The following UNC5B variants were observed in gnomAD, a reference collection of about 807,000 sequenced individuals.
UNC5B encodes netrin receptor UNC5B.
Under a neutral mutation model 103.7 loss-of-function variants are expected in UNC5B, and 56 were observed. The ratio of observed to expected loss-of-function variants is 0.54; its 90% CI spans 0.44 to 0.67. The LOEUF (loss-of-function observed/expected upper bound fraction) is 0.67, where lower values mean the gene tolerates loss of function less well. Ranked by LOEUF, UNC5B falls within the 30% of genes least tolerant of loss-of-function variation. UNC5B has a pLI of 0.00. For synonymous variants in UNC5B, 577 were observed against 542.0 expected (o/e 1.06, Z -0.90); for missense variants, 1,194 against 1,284.5 (o/e 0.93, Z 1.08).
At chr10:71,237,326 G>C (rs1414226077) in intron 1 of UNC5B, among the ~76,000 whole-genome samples, 1 of 152,018 alleles carries the variant, frequency 6.6e-6, no homozygotes, top group African/African-American at 2.4e-5. Flanking sequence ...TGTGAGCCTC[G>C]TCTTCAACCA....
rs772608927 is a variant in UNC5B at position 71,296,620 on chromosome 10, C to G, written c.2368C>G (p.Leu790Val). The change falls in exon 15 of 17, where the codon CTC becomes GTC. Residue 790 changes from leucine (L) to valine (V), a missense_variant. Transcript: ENST00000335350. The part of the protein sequence containing the change: ...YHIWSGSQKA[L>V]HCTFTLERHS... ...CATTTGGAGTGGCAGCCAGAAGGCC[C>G]TCCACTGCACTTTCACCCTGGAGAG... The G allele has an allele frequency of 1.9e-6, 3 of 1,613,870 alleles. No individual in the cohort carries two copies. Among genetic ancestry groups the G allele is most frequent in the Non-Finnish European group, 2.5e-6 (3 of 1,180,046 alleles).
At position 71,213,783 on chromosome 10, in the gene UNC5B, T is replaced by C. The variant is rs552222534; in HGVS notation, c.79+719T>C. On this transcript the variant is annotated intron_variant, in intron 1 of 16. Coordinates refer to ENST00000335350, the MANE Select transcript of UNC5B (RefSeq NM_170744.5). The surrounding 1 kb of genome is among the most constrained non-coding windows in gnomAD (Gnocchi z 4.1). ...TGTGTTGGATGCGGGTAGGGGTTCT[T>C]AGCGATCCTGCGGAGTTTCCTTTTA... Among the ~76,000 whole-genome samples, 3 of 144,706 alleles carry C rather than the reference T, an allele frequency of 2.1e-5. No individual in the cohort carries two copies. The highest frequency in any genetic ancestry group is 4.5e-5 in the Non-Finnish European group (3 of 66,654). The allele number at this position is 144,706 out of a possible 152,430, so 94.9% of individuals were successfully genotyped here. A position where few individuals can be genotyped will look rare whatever the true frequency, so the allele number is the denominator to read the frequency against.
At chr10:71,260,839 G>A (rs1045644371) in intron 1 of UNC5B, among the ~76,000 whole-genome samples, 1 of 152,228 alleles carries the variant, frequency 6.6e-6, no homozygotes, top group Non-Finnish European at 1.5e-5. Flanking sequence ...TTTTCAGGCT[G>A]GGAGGAAAGC....
intron 1 of UNC5B, among the ~76,000 whole-genome samples, chr10:71,260,024 C>CTCT (rs1844379892): frequency 6.6e-6 from 1 of 152,180 alleles, no homozygotes; most frequent in Non-Finnish European, 1.5e-5. Flanking sequence ...AACTGCCAGG[C>CTCT]AGGAGCTTCA....
intron 1 of UNC5B, among the ~76,000 whole-genome samples, chr10:71,249,044 G>A (rs1031944298): frequency 6.6e-6 from 1 of 152,184 alleles, no homozygotes; most frequent in African/African-American, 2.4e-5. Flanking sequence ...CTCTGGCAAA[G>A]AGGCTACTGG....
At chr10:71,263,654 C>T (rs916913042) in intron 1 of UNC5B, among the ~76,000 whole-genome samples, 10 of 152,188 alleles carry the variant, frequency 6.6e-5, no homozygotes, top group South Asian at 2.1e-4. Context: ...GAGTATTTCT[C>T]AGCTAAAATT....
intron 2 of UNC5B, among the ~76,000 whole-genome samples, chr10:71,280,412 C>T (rs888509236): frequency 6.6e-6 from 1 of 152,164 alleles, no homozygotes; most frequent in Non-Finnish European, 1.5e-5. Context: ...TCAATGCAAT[C>T]GTTATTTTTA....
chr10:71,275,878 C>T (rs1844759502), intron 1 of UNC5B, among the ~76,000 whole-genome samples: 1 of 151,824 alleles, frequency 6.6e-6, no homozygotes, highest in Admixed American at 6.6e-5. Flanking sequence ...TCATATCACT[C>T]TGTTTTCCTT....
chr10:71,256,900 G>A (rs561643188), intron 1 of UNC5B, among the ~76,000 whole-genome samples: 6 of 152,346 alleles, frequency 3.9e-5, no homozygotes, highest in Admixed American at 6.5e-5. Context: ...ACAAGAACAC[G>A]GCAGCCGGTG....
chr10:71,230,312 C>T (rs926637219), intron 1 of UNC5B, among the ~76,000 whole-genome samples: 2 of 152,038 alleles, frequency 1.3e-5, no homozygotes, highest in South Asian at 2.1e-4. Flanking sequence ...CATGGCTCAG[C>T]GAGGGAAGCT....
At chr10:71,219,377 C>T (rs1274900611) in intron 1 of UNC5B, among the ~76,000 whole-genome samples, 1 of 152,178 alleles carries the variant, frequency 6.6e-6, no homozygotes, top group Non-Finnish European at 1.5e-5. Context: ...GAGAGCCAGT[C>T]CGAGTTCCAA....
At chr10:71,296,440 G>C (rs143988542) in intron 14 of UNC5B, 138 bp from the exon 15 acceptor site, 8 of 978,114 alleles carry the variant, frequency 8.2e-6, no homozygotes, top group Non-Finnish European at 1.2e-5. Context: ...GGCTAGCTTA[G>C]GGCACTTGAC....
At chr10:71,295,680 C>G in intron 13 of UNC5B, 131 bp from the exon 14 acceptor site, 1 of 1,067,288 alleles carries the variant, frequency 9.4e-7, no homozygotes, top group Non-Finnish European at 1.4e-6. Flanking sequence ...ACCATAAGCC[C>G]TCTGTGAGCT....
chr10:71,286,899 A>G, intron 5 of UNC5B, 30 bp downstream of exon 5: 1 of 1,607,436 alleles, frequency 6.2e-7, no homozygotes, highest in South Asian at 1.1e-5. Context: ...GGAGGGGCAG[A>G]CACGGCCAAG....
chr10:71,239,486 A>C (rs2132257607), intron 1 of UNC5B, among the ~76,000 whole-genome samples: 1 of 152,232 alleles, frequency 6.6e-6, no homozygotes, highest in East Asian at 1.9e-4. Flanking sequence ...TCACTGGCTG[A>C]TCACTTAACC....
At chr10:71,227,935 A>G (rs1181927716) in intron 1 of UNC5B, among the ~76,000 whole-genome samples, 1 of 152,162 alleles carries the variant, frequency 6.6e-6, no homozygotes, top group Non-Finnish European at 1.5e-5. Flanking sequence ...GAAGAAGTAA[A>G]ACTATTCCTG....
intron 1 of UNC5B, among the ~76,000 whole-genome samples, chr10:71,219,327 CA>C (rs757378839): frequency 1.6e-4 from 25 of 152,138 alleles, no homozygotes; most frequent in Admixed American, 6.5e-4. Flanking sequence ...CACACGATCA[CA>C]AGGTCCCACA....
intron 1 of UNC5B, among the ~76,000 whole-genome samples, chr10:71,216,979 G>A (rs1187763685): frequency 6.6e-6 from 1 of 152,242 alleles, no homozygotes; most frequent in African/African-American, 2.4e-5. Flanking sequence ...GGCCACTGCC[G>A]CCTTCAGGAA....
chr10:71,235,291 C>T (rs1374229422), intron 1 of UNC5B, among the ~76,000 whole-genome samples: 5 of 152,192 alleles, frequency 3.3e-5, no homozygotes, highest in African/African-American at 1.2e-4. Context: ...GACTAACAGG[C>T]CTGCAGCCAC....
Sources: gnomAD v4.1 joint callset for allele counts (sites outside exome capture counted in the v4.1 genomes callset) on GRCh38, gnomAD v4.1.1 for gene constraint, Gnocchi (gnomAD v3.1) non-coding constraint, MANE v1.5 for transcripts, NCBI Gene and HGNC (gene_info 2026-07-23, HGNC 2026-07-21) for gene names.